VPS41: variants seen among roughly 807,000 people sequenced by gnomAD.
VPS41 encodes the protein vacuolar protein sorting-associated protein 41 homolog.
VPS41 carries 85 observed loss-of-function variants against 130.9 expected under a neutral mutation model. The observed-to-expected ratio is 0.65, with a 90% CI of 0.55 to 0.78. VPS41 has a LOEUF of 0.78. VPS41 is among the 30% of genes least tolerant of loss of function. VPS41 has a pLI of 0.00. For missense variants in VPS41, 874 were observed against 1,018.7 expected (o/e 0.86, Z 1.93); for synonymous variants, 335 against 332.9 (o/e 1.01, Z -0.07).
rs1303653402 is a variant in VPS41 at position 38,804,219 on chromosome 7, GGTTT to G, written c.451-7359_451-7356del. 2.6e-5 allele frequency among the ~76,000 whole-genome samples: 4 copies of G among 151,972 alleles called. 1 individual carries two copies. Among genetic ancestry groups the G allele is most frequent in the African/African-American group, 9.7e-5 (4 of 41,366 alleles). ...TTTTAATTTCAGGGGTTTATGTGCA[GGTTT>G]GTTATGTAGGTAAACTCGTGCCACA... On this transcript the variant is annotated intron_variant, in intron 7 of 28. Coordinates refer to ENST00000310301, the MANE Select transcript of VPS41 (RefSeq NM_014396.4).
chr7:38,840,735 G>A (rs776187059), intron 4 of VPS41, among the ~76,000 whole-genome samples: 8 of 152,044 alleles, frequency 5.3e-5, no homozygotes, highest in South Asian at 2.1e-4. Flanking sequence ...AAATTAAGAC[G>A]CTGAAAATTT....
At chr7:38,895,246 T>G (rs1786956408) in intron 2 of VPS41, among the ~76,000 whole-genome samples, 1 of 151,988 alleles carries the variant, frequency 6.6e-6, no homozygotes, top group Admixed American at 6.6e-5. Flanking sequence ...CGCTTGAACC[T>G]GGGAGGTGGA....
chr7:38,781,014 A>G (rs1252745941), intron 10 of VPS41, among the ~76,000 whole-genome samples: 1 of 152,128 alleles, frequency 6.6e-6, no homozygotes, highest in Non-Finnish European at 1.5e-5. Flanking sequence ...GCCTCCCCAG[A>G]AGCCAACCAG....
chr7:38,904,207 CT>C (rs1241470903), intron 1 of VPS41, among the ~76,000 whole-genome samples: 4 of 152,194 alleles, frequency 2.6e-5, no homozygotes, highest in African/African-American at 2.4e-5. Context: ...ACAGAAGCCC[CT>C]GATCTGATGA....
chr7:38,896,761 A>T (rs1188608522), intron 2 of VPS41, among the ~76,000 whole-genome samples: 1 of 152,252 alleles, frequency 6.6e-6, no homozygotes, highest in Non-Finnish European at 1.5e-5. Context: ...GTAATAGATT[A>T]TCATGGCTAG....
intron 7 of VPS41, among the ~76,000 whole-genome samples, chr7:38,811,815 T>C (rs1027844444): frequency 1.3e-5 from 2 of 151,934 alleles, no homozygotes; most frequent in African/African-American, 4.8e-5. Flanking sequence ...GTTTTAAGAG[T>C]AGACAGTCTT....
chr7:38,765,104 G>C (rs1584383247), intron 16 of VPS41, among the ~76,000 whole-genome samples: 1 of 152,226 alleles, frequency 6.6e-6, no homozygotes, highest in East Asian at 1.9e-4. Context: ...ATACTTTATT[G>C]ATTGATTAGG....
At chr7:38,888,784 C>A (rs1241708539) in intron 2 of VPS41, among the ~76,000 whole-genome samples, 1 of 152,146 alleles carries the variant, frequency 6.6e-6, no homozygotes, top group Non-Finnish European at 1.5e-5. Flanking sequence ...AAATAAAACA[C>A]TCCTCAGCAA....
chr7:38,850,103 T>C (rs1016106931), intron 4 of VPS41, among the ~76,000 whole-genome samples: 1 of 152,230 alleles, frequency 6.6e-6, no homozygotes, highest in Non-Finnish European at 1.5e-5. Context: ...CATTTGTCAC[T>C]CTTCAAATAA....
At chr7:38,838,909 T>C (rs1785551330) in intron 4 of VPS41, among the ~76,000 whole-genome samples, 1 of 152,212 alleles carries the variant, frequency 6.6e-6, no homozygotes, top group Admixed American at 6.5e-5. Flanking sequence ...ATACTCCTCA[T>C]CATCCCACCT....
chr7:38,796,241 T>A (rs1294111901), intron 8 of VPS41, among the ~76,000 whole-genome samples: 1 of 152,234 alleles, frequency 6.6e-6, no homozygotes, highest in Non-Finnish European at 1.5e-5. Context: ...AGACCATTTT[T>A]AAAACTTCCT....
chr7:38,803,929 A>G (rs1184068580), intron 7 of VPS41, among the ~76,000 whole-genome samples: 1 of 152,258 alleles, frequency 6.6e-6, no homozygotes, highest in Non-Finnish European at 1.5e-5. Flanking sequence ...GATAGAATAT[A>G]AACATGTGGG....
Position 38,738,820 on chromosome 7 carries a change from A to T in VPS41, c.2259+3165T>A, listed in dbSNP as rs932153349. ...GATTACACTAACAAGGTAGCCGGGT[A>T]TAAAAACATAGAAAGTTAAAGAAAT... On this transcript the variant is annotated intron_variant, in intron 25 of 28. Coordinates refer to ENST00000310301, the MANE Select transcript of VPS41 (RefSeq NM_014396.4). Among the ~76,000 whole-genome samples the T allele has an allele frequency of 3.9e-5, 6 of 152,250 alleles. No individual in the cohort carries two copies. The East Asian group carries it at 1.2e-3, about 29-fold the overall frequency.
At chr7:38,872,880 A>C (rs560804007) in intron 2 of VPS41, among the ~76,000 whole-genome samples, 1 of 152,340 alleles carries the variant, frequency 6.6e-6, no homozygotes, top group Non-Finnish European at 1.5e-5. Flanking sequence ...GTGCATTCTG[A>C]AGTAAACATG....
At chr7:38,837,182 C>CTTAAA (rs879912432) in intron 4 of VPS41, among the ~76,000 whole-genome samples, 3,239 of 152,256 alleles carry the variant, frequency 0.021, 45 homozygotes, top group African/African-American at 0.043. Flanking sequence ...AGGCAGGGGG[C>CTTAAA]TGGCCAGACC....
At chr7:38,868,900 TCTTTGA>T (rs1317113736) in intron 3 of VPS41, among the ~76,000 whole-genome samples, 1 of 152,224 alleles carries the variant, frequency 6.6e-6, no homozygotes, top group Non-Finnish European at 1.5e-5. Flanking sequence ...TTCATATAAA[TCTTTGA>T]CTTTGATCAC....
chr7:38,772,377 A>C (rs1225683175), intron 13 of VPS41, 145 bp downstream of exon 13: 1 of 539,422 alleles, frequency 1.9e-6, no homozygotes, highest in African/African-American at 2.0e-5. Context: ...TGAAGGGGGT[A>C]CTAGAAAGTT....
At chr7:38,765,963 A>C (rs904447026) in intron 15 of VPS41, among the ~76,000 whole-genome samples, 1 of 152,186 alleles carries the variant, frequency 6.6e-6, no homozygotes, top group African/African-American at 2.4e-5. Flanking sequence ...TAAGTTTCCC[A>C]TTTACCCAGA....
At chr7:38,753,672 C>A (rs1367941391) in intron 21 of VPS41, among the ~76,000 whole-genome samples, 1 of 152,146 alleles carries the variant, frequency 6.6e-6, no homozygotes, top group Non-Finnish European at 1.5e-5. Flanking sequence ...TGCCCATAAT[C>A]CTGTCTCCTG....
Sources: gnomAD v4.1 joint callset for allele counts (sites outside exome capture counted in the v4.1 genomes callset) on GRCh38, gnomAD v4.1.1 for gene constraint, MANE v1.5 for transcripts, NCBI Gene and HGNC (gene_info 2026-07-23, HGNC 2026-07-21) for gene names.